The following TMTC2 variants were observed in gnomAD, a reference collection of about 807,000 sequenced individuals.
TMTC2 encodes the protein transmembrane O-mannosyltransferase targeting cadherins 2, also known as protein O-mannosyl-transferase TMTC2.
In TMTC2, 43 loss-of-function variants were observed where a neutral mutation model predicts 82.4. That is an observed-to-expected ratio of 0.52 (90% CI 0.41 to 0.67). The LOEUF is 0.67. Ranked by LOEUF, TMTC2 falls within the 30% of genes least tolerant of loss-of-function variation. The probability of loss-of-function intolerance (pLI) is 0.00; values close to 1 mark genes in which losing one functional copy is unlikely to be tolerated. For missense variants in TMTC2, 919 were observed against 1,012.4 expected (o/e 0.91, Z 1.25); for synonymous variants, 408 against 381.9 (o/e 1.07, Z -0.80).
intron 1 of TMTC2, among the ~76,000 whole-genome samples, chr12:82,835,228 T>C (rs141746946): frequency 1.3e-5 from 2 of 152,328 alleles, no homozygotes; most frequent in East Asian, 1.9e-4. Context: ...GTGCCAAATA[T>C]AATACATAAC....
chr12:82,969,532 A>C (rs1247287180), intron 7 of TMTC2, among the ~76,000 whole-genome samples: 1 of 152,172 alleles, frequency 6.6e-6, no homozygotes, highest in Non-Finnish European at 1.5e-5. Context: ...TTTTGTTAAA[A>C]AACACTCTAG....
chr12:82,774,790 C>CT (rs957635580), intron 1 of TMTC2, among the ~76,000 whole-genome samples: 3 of 151,894 alleles, frequency 2.0e-5, no homozygotes, highest in African/African-American at 7.3e-5. Context: ...ACACTTTTCT[C>CT]TAAGGGCAAG....
chr12:82,747,543 G>A (rs144339732), intron 1 of TMTC2, among the ~76,000 whole-genome samples: 190 of 152,210 alleles, frequency 1.2e-3, no homozygotes, highest in African/African-American at 4.4e-3. Context: ...GAAAGAAATG[G>A]AAGAAAAAGG....
chr12:82,829,562 A>G (rs985381462), intron 1 of TMTC2, among the ~76,000 whole-genome samples: 2 of 152,228 alleles, frequency 1.3e-5, no homozygotes, highest in African/African-American at 4.8e-5. Context: ...AGAGGCATCA[A>G]AGTAATCCCA....
chr12:82,916,841 G>A (rs1204505813), intron 3 of TMTC2, among the ~76,000 whole-genome samples: 2 of 152,116 alleles, frequency 1.3e-5, no homozygotes, highest in Non-Finnish European at 2.9e-5. Flanking sequence ...AGAAATAATT[G>A]TATCTTGTAG....
intron 11 of TMTC2, among the ~76,000 whole-genome samples, chr12:83,115,914 A>G (rs1356250412): frequency 2.0e-5 from 3 of 152,116 alleles, no homozygotes; most frequent in Non-Finnish European, 4.4e-5. Flanking sequence ...CAGCCTCCGT[A>G]GTAGCTGGGA....
At chr12:83,025,978 T>C (rs1252376224) in intron 8 of TMTC2, among the ~76,000 whole-genome samples, 3 of 152,178 alleles carry the variant, frequency 2.0e-5, no homozygotes, top group Admixed American at 6.5e-5. Flanking sequence ...ATGCAGAAGC[T>C]TTCCAAATCC....
At chr12:83,063,389 C>G (rs1439077509) in intron 11 of TMTC2, among the ~76,000 whole-genome samples, 1 of 151,352 alleles carries the variant, frequency 6.6e-6, no homozygotes, top group African/African-American at 2.4e-5. Context: ...TGAGATGTTT[C>G]AAGAATTGAT....
chr12:82,978,424 G>A (rs938468340), intron 7 of TMTC2, among the ~76,000 whole-genome samples: 4 of 151,558 alleles, frequency 2.6e-5, no homozygotes, highest in East Asian at 1.9e-4. Flanking sequence ...GGCAAAATAA[G>A]AATTCAAAAC....
intron 1 of TMTC2, among the ~76,000 whole-genome samples, chr12:82,699,461 T>A (rs1408540239): frequency 6.6e-6 from 1 of 152,214 alleles, no homozygotes; most frequent in East Asian, 1.9e-4. Flanking sequence ...TGGCAGAGCA[T>A]ATTGTTACTG....
At chr12:82,728,401 AAG>A (rs1874574488) in intron 1 of TMTC2, among the ~76,000 whole-genome samples, 1 of 152,050 alleles carries the variant, frequency 6.6e-6, no homozygotes, top group Non-Finnish European at 1.5e-5. Context: ...GAAAAATCAA[AAG>A]TACCTGAAGG....
chr12:82,704,221 T>G, intron 1 of TMTC2, among the ~76,000 whole-genome samples: 1 of 152,314 alleles, frequency 6.6e-6, no homozygotes, highest in East Asian at 1.9e-4. Context: ...AGCAGCATCT[T>G]AAGTTTAAAT....
At chr12:83,049,647 G>A (rs1002422705) in intron 9 of TMTC2, among the ~76,000 whole-genome samples, 3 of 152,162 alleles carry the variant, frequency 2.0e-5, no homozygotes, top group African/African-American at 7.2e-5. Context: ...GTCTATGATA[G>A]AACGATTTCT....
chr12:83,025,335 A>G (rs1881115530), intron 8 of TMTC2, among the ~76,000 whole-genome samples: 1 of 151,564 alleles, frequency 6.6e-6, no homozygotes, highest in Admixed American at 6.6e-5. Flanking sequence ...CGATTAATGC[A>G]CTATTTACAT....
At position 82,795,259 on chromosome 12, in the gene TMTC2, C is replaced by T. The variant is rs1304635446; in HGVS notation, c.84-61751C>T. 4.1e-5 allele frequency among the ~76,000 whole-genome samples: 6 copies of T among 147,024 alleles called. No homozygotes were observed. The East Asian group carries it at 6.0e-4, about 15-fold the overall frequency. On this transcript the variant is annotated intron_variant, in intron 1 of 11. Transcript: ENST00000321196. ...GGCAGGGGTTGCAGTGAGCCGAGAT[C>T]GTGCCACTGCACTCCAGCCTCCAGC...
At chr12:83,078,002 T>C (rs752730105) in intron 11 of TMTC2, among the ~76,000 whole-genome samples, 105 of 150,012 alleles carry the variant, frequency 7.0e-4, no homozygotes, top group Non-Finnish European at 1.3e-3. Flanking sequence ...GTGAGATCAG[T>C]GAATGGAAAA....
Position 82,913,925 on chromosome 12 carries a change from C to T in TMTC2, c.1484-16506C>T, listed in dbSNP as rs142260691. On this transcript the variant is annotated intron_variant, in intron 3 of 11. Transcript: ENST00000321196. ...ATAGGAAAAGTCAGTACTCTTTATA[C>T]GTGGGTTTCAAATCCCACAAATACT... 1.1e-4 allele frequency among the ~76,000 whole-genome samples: 16 copies of T among 152,142 alleles called. No homozygotes were observed. In the East Asian group the frequency reaches 2.3e-3, roughly 22 times the overall value.
intron 4 of TMTC2, among the ~76,000 whole-genome samples, chr12:82,944,510 G>A (rs1876891629): frequency 1.3e-5 from 2 of 151,246 alleles, no homozygotes; most frequent in Non-Finnish European, 2.9e-5. Context: ...CCGGGAGATG[G>A]CGCTTGCAGT....
At chr12:82,723,597 G>A (rs1477772343) in intron 1 of TMTC2, among the ~76,000 whole-genome samples, 2 of 152,176 alleles carry the variant, frequency 1.3e-5, no homozygotes, top group Non-Finnish European at 2.9e-5. Context: ...TCTTGGGAAT[G>A]CTGAATAAAC....
Sources: gnomAD v4.1 joint callset for allele counts (sites outside exome capture counted in the v4.1 genomes callset) on GRCh38, gnomAD v4.1.1 for gene constraint, MANE v1.5 for transcripts, NCBI Gene and HGNC (gene_info 2026-07-23, HGNC 2026-07-21) for gene names.